The following AP3B1 variants were observed in gnomAD, a reference collection of about 807,000 sequenced individuals.
AP3B1 encodes adaptor related protein complex 3 subunit beta 1.
In AP3B1, 61 loss-of-function variants were observed where a neutral mutation model predicts 132.5. The ratio of observed to expected loss-of-function variants is 0.46; its 90% CI spans 0.37 to 0.57. The LOEUF (loss-of-function observed/expected upper bound fraction) is 0.57, where lower values mean the gene tolerates loss of function less well. Ranked by LOEUF, AP3B1 falls within the 20% of genes least tolerant of loss-of-function variation. The pLI is 0.00. For synonymous variants in AP3B1, 388 were observed against 438.3 expected (o/e 0.89, Z 1.43); for missense variants, 1,120 against 1,289.4 (o/e 0.87, Z 2.01).
chr5:78,037,288 C>T (rs866801729), intron 23 of AP3B1, among the ~76,000 whole-genome samples: 1 of 152,070 alleles, frequency 6.6e-6, no homozygotes, highest in Admixed American at 6.5e-5. Flanking sequence ...CTGCTTGACA[C>T]TTCCTAAACT....
intron 23 of AP3B1, among the ~76,000 whole-genome samples, chr5:78,038,146 G>A (rs1249310413): frequency 6.6e-6 from 1 of 152,142 alleles, no homozygotes; most frequent in African/African-American, 2.4e-5. Flanking sequence ...TGCATGTGGG[G>A]ATAAAGGGCC....
At chr5:78,279,026 G>T (rs1748922844) in intron 1 of AP3B1, among the ~76,000 whole-genome samples, 2 of 151,916 alleles carry the variant, frequency 1.3e-5, no homozygotes, top group South Asian at 4.2e-4. Context: ...AGATTAAAAT[G>T]GTATCATATG....
chr5:78,283,534 A>C (rs1174274339), intron 1 of AP3B1, among the ~76,000 whole-genome samples: 3 of 152,154 alleles, frequency 2.0e-5, no homozygotes, highest in Non-Finnish European at 4.4e-5. Context: ...CCTTCTCTTC[A>C]CATGCCGCAC....
intron 21 of AP3B1, among the ~76,000 whole-genome samples, chr5:78,092,529 T>C (rs1417447461): frequency 1.3e-5 from 2 of 152,226 alleles, no homozygotes; most frequent in East Asian, 3.8e-4. Flanking sequence ...TGAAATATCA[T>C]GCCCACCTGG....
At position 78,162,774 on chromosome 5, in the gene AP3B1, T is replaced by G. The variant is rs1743438893; in HGVS notation, c.1363+45A>C. 5.6e-6 allele frequency: 9 copies of G among 1,605,368 alleles called. No homozygotes were observed. In the East Asian group the frequency reaches 2.0e-4, roughly 36 times the overall value. ...CAACTTGGAAATAATACCAAGAATA[T>G]TCAAATTTAAATCACCTGAAAATAA... On this transcript the variant is annotated intron_variant, in intron 13 of 26. Coordinates refer to ENST00000255194, the MANE Select transcript of AP3B1 (RefSeq NM_003664.5).
At chr5:78,020,900 C>CT (rs1327590993) in intron 24 of AP3B1, 111 bp from the exon 25 acceptor site, 8 of 876,714 alleles carry the variant, frequency 9.1e-6, no homozygotes, top group Non-Finnish European at 3.6e-6. Context: ...AGTATAAGAC[C>CT]TTTTTGGTTT....
intron 20 of AP3B1, among the ~76,000 whole-genome samples, chr5:78,108,782 G>T (rs1468796639): frequency 6.6e-6 from 1 of 152,020 alleles, no homozygotes; most frequent in Admixed American, 6.6e-5. Context: ...TTTTTCAGGG[G>T]GAGGAAGGGG....
At chr5:78,052,133 G>A (rs1258059853) in intron 22 of AP3B1, among the ~76,000 whole-genome samples, 1 of 152,076 alleles carries the variant, frequency 6.6e-6, no homozygotes, top group South Asian at 2.1e-4. Flanking sequence ...TAATACTAAA[G>A]ATAACTTCTT....
intron 22 of AP3B1, among the ~76,000 whole-genome samples, chr5:78,061,134 G>GAA (rs879781378): frequency 2.5e-5 from 3 of 118,246 alleles, no homozygotes; most frequent in Admixed American, 8.5e-5. Context: ...GTCAAACATA[G>GAA]AAAAAAAAAA....
intron 22 of AP3B1, among the ~76,000 whole-genome samples, chr5:78,066,256 C>T (rs1749285239): frequency 6.6e-6 from 1 of 152,206 alleles, no homozygotes; most frequent in Admixed American, 6.5e-5. Context: ...AGTGCCTCTT[C>T]TCCTCCCAAT....
At chr5:78,229,915 T>C (rs1462342749) in intron 3 of AP3B1, among the ~76,000 whole-genome samples, 3 of 152,192 alleles carry the variant, frequency 2.0e-5, no homozygotes, top group Non-Finnish European at 2.9e-5. Context: ...ACAACTGTCA[T>C]GACCTTCCTT....
At chr5:78,175,975 G>T (rs1350717551) in intron 9 of AP3B1, 137 bp from the exon 10 acceptor site, 1 of 727,216 alleles carries the variant, frequency 1.4e-6, no homozygotes, top group African/African-American at 1.8e-5. Flanking sequence ...AAAGTTTTTA[G>T]TAAATCTTAG....
intron 6 of AP3B1, among the ~76,000 whole-genome samples, chr5:78,219,906 C>A (rs1477030089): frequency 1.3e-5 from 2 of 152,070 alleles, no homozygotes; most frequent in African/African-American, 4.8e-5. Context: ...ATGTCATCAT[C>A]GTAATAATGA....
intron 15 of AP3B1, among the ~76,000 whole-genome samples, chr5:78,132,062 T>C (rs911464476): frequency 6.6e-6 from 1 of 152,196 alleles, no homozygotes; most frequent in Non-Finnish European, 1.5e-5. Context: ...TGTACTGTTA[T>C]GCTATAGAAT....
chr5:78,144,107 C>T (rs1343121881), intron 14 of AP3B1, among the ~76,000 whole-genome samples: 2 of 152,104 alleles, frequency 1.3e-5, no homozygotes, highest in Non-Finnish European at 2.9e-5. Flanking sequence ...ATAATACACA[C>T]ACAGACACAG....
At chr5:78,234,755 A>G (rs1266000895) in intron 3 of AP3B1, among the ~76,000 whole-genome samples, 2 of 152,236 alleles carry the variant, frequency 1.3e-5, no homozygotes, top group African/African-American at 4.8e-5. Context: ...CTCAATATTT[A>G]TCAGCTGGAT....
At chr5:78,064,386 C>T (rs1258594096) in intron 22 of AP3B1, among the ~76,000 whole-genome samples, 12 of 152,106 alleles carry the variant, frequency 7.9e-5, no homozygotes, top group Admixed American at 7.9e-4. Flanking sequence ...ATTATAAAGG[C>T]AGCTGCTTGC....
intron 26 of AP3B1, among the ~76,000 whole-genome samples, chr5:78,007,888 T>C (rs1182444554): frequency 3.3e-5 from 5 of 152,198 alleles, no homozygotes; most frequent in African/African-American, 1.2e-4. Flanking sequence ...CACAAAGCAA[T>C]GTATTTTTCC....
At chr5:78,081,888 T>A (rs777870849) in intron 22 of AP3B1, among the ~76,000 whole-genome samples, 38 of 145,432 alleles carry the variant, frequency 2.6e-4, no homozygotes, top group Non-Finnish European at 4.5e-4. Context: ...ACTTTTAGTA[T>A]GAATTCTTTG....
Sources: gnomAD v4.1 joint callset for allele counts (sites outside exome capture counted in the v4.1 genomes callset) on GRCh38, gnomAD v4.1.1 for gene constraint, MANE v1.5 for transcripts, NCBI Gene and HGNC (gene_info 2026-07-23, HGNC 2026-07-21) for gene names.